The following CNTNAP2 variants were observed in gnomAD, a reference collection of about 807,000 sequenced individuals.
CNTNAP2 encodes contactin associated protein 2.
CNTNAP2 carries 98 observed loss-of-function variants against 155.2 expected under a neutral mutation model. That is an observed-to-expected ratio of 0.63 (90% CI 0.54 to 0.75). The LOEUF (loss-of-function observed/expected upper bound fraction) is 0.75. Ranked by LOEUF, CNTNAP2 falls within the 30% of genes least tolerant of loss-of-function variation. The probability of loss-of-function intolerance (pLI) is 0.00; values close to 1 mark genes in which losing one functional copy is unlikely to be tolerated. For synonymous variants in CNTNAP2, 651 were observed against 631.2 expected (o/e 1.03, Z -0.47); for missense variants, 1,727 against 1,688.1 (o/e 1.02, Z -0.40).
intron 1 of CNTNAP2, among the ~76,000 whole-genome samples, chr7:146,713,211 G>A (rs1006673729): frequency 5.9e-5 from 9 of 152,116 alleles, no homozygotes; most frequent in African/African-American, 1.9e-4. Context: ...AGAAAAGGAA[G>A]CATTAAATTC....
intron 3 of CNTNAP2, among the ~76,000 whole-genome samples, chr7:146,973,305 G>A (rs1017639013): frequency 6.6e-6 from 1 of 152,124 alleles, no homozygotes; most frequent in Non-Finnish European, 1.5e-5. Context: ...TGAGATTACA[G>A]GCGTGAGCCA....
At chr7:147,213,218 G>A (rs1222104813) in intron 8 of CNTNAP2, among the ~76,000 whole-genome samples, 1 of 152,044 alleles carries the variant, frequency 6.6e-6, no homozygotes, top group Non-Finnish European at 1.5e-5. Flanking sequence ...GGAAGAGGAG[G>A]GATGTCCCAA....
intron 3 of CNTNAP2, among the ~76,000 whole-genome samples, chr7:146,895,298 C>T (rs566352151): frequency 1.1e-4 from 16 of 147,170 alleles, no homozygotes; most frequent in Admixed American, 1.3e-4. Context: ...CCTTCCCTCC[C>T]GCCCTCCTTC....
intron 21 of CNTNAP2, among the ~76,000 whole-genome samples, chr7:148,295,530 C>T (rs528495248): frequency 2.0e-5 from 3 of 148,272 alleles, no homozygotes; most frequent in Admixed American, 2.0e-4. Flanking sequence ...CTCGCTCTGT[C>T]GCCCAGGCGG....
At chr7:147,148,198 G>A (rs1037007806) in intron 8 of CNTNAP2, among the ~76,000 whole-genome samples, 8 of 151,790 alleles carry the variant, frequency 5.3e-5, no homozygotes, top group South Asian at 4.2e-4. Context: ...AGACCATCCC[G>A]GCTAAAACGG....
intron 14 of CNTNAP2, among the ~76,000 whole-genome samples, chr7:147,932,028 G>C (rs907303732): frequency 2.0e-5 from 3 of 152,082 alleles, no homozygotes; most frequent in African/African-American, 7.2e-5. Context: ...TGGAACTACA[G>C]GTGCATGCTA....
At chr7:146,384,028 C>A (rs1283344284) in intron 1 of CNTNAP2, among the ~76,000 whole-genome samples, 1 of 152,118 alleles carries the variant, frequency 6.6e-6, no homozygotes, top group African/African-American at 2.4e-5. Flanking sequence ...TGAGCTTTGG[C>A]TCATGCTCAG....
intron 13 of CNTNAP2, among the ~76,000 whole-genome samples, chr7:147,707,277 A>C (rs1796330189): frequency 6.6e-6 from 1 of 152,214 alleles, no homozygotes; most frequent in Non-Finnish European, 1.5e-5. Flanking sequence ...TTCCTAAGGA[A>C]GGACTCTGTT....
chr7:147,501,502 C>T (rs1346098775), intron 11 of CNTNAP2, among the ~76,000 whole-genome samples: 2 of 152,162 alleles, frequency 1.3e-5, no homozygotes, highest in East Asian at 1.9e-4. Context: ...GGTGGTTTGA[C>T]TTACAACTTT....
At chr7:146,568,767 A>C (rs930471660) in intron 1 of CNTNAP2, among the ~76,000 whole-genome samples, 2 of 152,122 alleles carry the variant, frequency 1.3e-5, no homozygotes, top group African/African-American at 2.4e-5. Context: ...TGTAGAGGAA[A>C]GATGTTGGGC....
Position 148,135,817 on chromosome 7 carries a change from C to A in CNTNAP2, c.2555-11674C>A, listed in dbSNP as rs144888367. Among the ~76,000 whole-genome samples the A allele has an allele frequency of 5.5e-3, 682 of 124,972 alleles. 8 individuals are homozygous for A. Among genetic ancestry groups the A allele is most frequent in the African/African-American group, 0.02 (647 of 31,566 alleles). The allele number at this position is 124,972 out of a possible 152,430, so 82.0% of individuals were successfully genotyped here. Reference sequence around the variant, plus strand: ...TGAGCCAAGATAGTGCCACTGCACTCCAGCCTGGGTGGCTGAGTGAGAAGA... The same window carrying A: ...TGAGCCAAGATAGTGCCACTGCACTACAGCCTGGGTGGCTGAGTGAGAAGA... On this transcript the variant is annotated intron_variant, in intron 16 of 23. Coordinates refer to ENST00000361727, the MANE Select transcript of CNTNAP2 (RefSeq NM_014141.6).
In CNTNAP2 at chr7:147,639,207, G is replaced by C; in HGVS notation, c.1999G>C (p.Ala667Pro). The change falls in exon 13 of 24, where the codon GCC becomes CCC. Residue 667 changes from alanine (A) to proline (P), a missense_variant. Physicochemically the swap from Ala to Pro is conservative, Grantham distance 27. Transcript: ENST00000361727. ...KYSVTQLVYS[A>P]SMDQISAITD... ...CTCAGTGACACAGCTCGTTTACAGC[G>C]CCTCCATGGACCAGATAAGTGCCAT... The C allele has an allele frequency of 6.2e-7, 1 of 1,614,090 alleles. No individual in the cohort carries two copies. Among genetic ancestry groups the C allele is most frequent in the Non-Finnish European group, 8.5e-7 (1 of 1,179,998 alleles).
chr7:146,703,209 A>G (rs1217161954), intron 1 of CNTNAP2, among the ~76,000 whole-genome samples: 2 of 152,118 alleles, frequency 1.3e-5, no homozygotes, highest in East Asian at 1.9e-4. Flanking sequence ...CTACTGACAA[A>G]TCAGTATCCT....
At chr7:147,177,019 A>C (rs1345100075) in intron 8 of CNTNAP2, among the ~76,000 whole-genome samples, 2 of 141,950 alleles carry the variant, frequency 1.4e-5, no homozygotes, top group Admixed American at 1.5e-4. Flanking sequence ...ATATAATTCT[A>C]TATAGAATTA....
intron 21 of CNTNAP2, among the ~76,000 whole-genome samples, chr7:148,359,467 G>T (rs1438936832): frequency 6.6e-6 from 1 of 152,228 alleles, no homozygotes; most frequent in African/African-American, 2.4e-5. Flanking sequence ...CTTATATCCA[G>T]AGTGGCATCC....
intron 1 of CNTNAP2, among the ~76,000 whole-genome samples, chr7:146,198,016 T>C (rs1471174694): frequency 6.6e-6 from 1 of 152,000 alleles, no homozygotes; most frequent in African/African-American, 2.4e-5. Flanking sequence ...CAGGCACTTA[T>C]CAAACAACCA....
chr7:148,176,444 C>G (rs570141076), intron 18 of CNTNAP2, among the ~76,000 whole-genome samples: 2 of 152,148 alleles, frequency 1.3e-5, no homozygotes, highest in East Asian at 3.9e-4. Flanking sequence ...GTCTCGAACT[C>G]CTGACCTCAG....
In CNTNAP2 at chr7:147,325,316, C is replaced by T. The variant is rs536523029; in HGVS notation, c.1498+25026C>T. 6.6e-5 allele frequency among the ~76,000 whole-genome samples: 10 copies of T among 152,120 alleles called. 1 individual carries two copies. Among genetic ancestry groups the T allele is most frequent in the Admixed American group, 2.6e-4 (4 of 15,280 alleles). ...CAAGACTCCATCTCAACAACAACAA[C>T]AACAACAAAAATTAGAGTATTTAAA... is the stretch of plus-strand genomic sequence containing the variant. On this transcript the variant is annotated intron_variant, in intron 9 of 23. Coordinates refer to ENST00000361727, the MANE Select transcript of CNTNAP2 (RefSeq NM_014141.6).
chr7:147,173,638 G>A (rs774292955), intron 8 of CNTNAP2, among the ~76,000 whole-genome samples: 21 of 152,074 alleles, frequency 1.4e-4, no homozygotes, highest in Admixed American at 2.6e-4. Flanking sequence ...TGTATAAACC[G>A]TACAACTAGA....
Sources: gnomAD v4.1 joint callset for allele counts (sites outside exome capture counted in the v4.1 genomes callset) on GRCh38, gnomAD v4.1.1 for gene constraint, MANE v1.5 for transcripts, NCBI Gene and HGNC (gene_info 2026-07-23, HGNC 2026-07-21) for gene names.